The following SPMIP7 variants were observed in gnomAD, a reference collection of about 807,000 sequenced individuals.
SPMIP7 encodes sperm microtubule inner protein 7.
chr7:50,107,953 A>G, the SPMIP7 span, among the ~76,000 whole-genome samples: 2 of 152,216 alleles, frequency 1.3e-5, no homozygotes, highest in African/African-American at 4.8e-5. Context: ...AACATAGTTT[A>G]TGGTAATTGC....
chr7:50,117,817 A>G, the SPMIP7 span, among the ~76,000 whole-genome samples: 1 of 152,196 alleles, frequency 6.6e-6, no homozygotes, highest in Non-Finnish European at 1.5e-5. Flanking sequence ...ACATGTCAGT[A>G]AATATTTATA....
the SPMIP7 span, among the ~76,000 whole-genome samples, chr7:50,106,889 C>A: frequency 7.2e-4 from 110 of 152,046 alleles, no homozygotes; most frequent in Non-Finnish European, 6.0e-4. Flanking sequence ...TCACTTGAGG[C>A]CAGGAGTTTG....
chr7:50,114,613 AAAAG>A, the SPMIP7 span, among the ~76,000 whole-genome samples: 3 of 152,176 alleles, frequency 2.0e-5, 1 homozygote, highest in South Asian at 6.2e-4. Flanking sequence ...AAAGTAACAC[AAAAG>A]AAAAATAGAG....
the SPMIP7 span, among the ~76,000 whole-genome samples, chr7:50,114,105 T>G: frequency 6.6e-6 from 1 of 152,118 alleles, no homozygotes; most frequent in African/African-American, 2.4e-5. Flanking sequence ...AAACATTTTT[T>G]GTAAAAACAA....
chr7:50,142,149 T>A, the SPMIP7 span: 23 of 152,254 alleles, frequency 1.5e-4, no homozygotes, highest in Admixed American at 1.4e-3. Flanking sequence ...CTACTACACA[T>A]AATAATTCTA....
the SPMIP7 span, among the ~76,000 whole-genome samples, chr7:50,098,220 T>C: frequency 1.3e-5 from 2 of 152,208 alleles, no homozygotes; most frequent in Admixed American, 6.5e-5. Flanking sequence ...GATTTCTACT[T>C]GCCCCATTCC....
the SPMIP7 span, among the ~76,000 whole-genome samples, chr7:50,106,639 AAT>A: frequency 6.6e-6 from 1 of 152,210 alleles, no homozygotes; most frequent in Non-Finnish European, 1.5e-5. Flanking sequence ...AACATATCCA[AAT>A]ACATAAGGAG....
the SPMIP7 span, among the ~76,000 whole-genome samples, chr7:50,102,114 G>A: frequency 1.3e-5 from 2 of 152,060 alleles, no homozygotes; most frequent in South Asian, 2.1e-4. Flanking sequence ...ATCTGAGGTC[G>A]GGACTTCAAG....
At chr7:50,127,728 C>T in the SPMIP7 span, among the ~76,000 whole-genome samples, 1 of 150,960 alleles carries the variant, frequency 6.6e-6, no homozygotes. Flanking sequence ...CTCAATATCA[C>T]CAATCAGAGA....
the SPMIP7 span, among the ~76,000 whole-genome samples, chr7:50,107,545 A>G: frequency 1.3e-5 from 2 of 152,110 alleles, no homozygotes; most frequent in Non-Finnish European, 2.9e-5. Flanking sequence ...TAGATAAATC[A>G]GAAGAAACTA....
At chr7:50,103,759 C>T in the SPMIP7 span, among the ~76,000 whole-genome samples, 1 of 152,200 alleles carries the variant, frequency 6.6e-6, no homozygotes, top group Admixed American at 6.5e-5. Context: ...CCTTCCTATG[C>T]ACCCCCACAG....
At chr7:50,117,902 A>T in the SPMIP7 span, among the ~76,000 whole-genome samples, 1 of 152,228 alleles carries the variant, frequency 6.6e-6, no homozygotes. Context: ...CCCCCCATTA[A>T]AAACAGTCTC....
the SPMIP7 span, among the ~76,000 whole-genome samples, chr7:50,113,010 C>A: frequency 6.6e-6 from 1 of 151,732 alleles, no homozygotes; most frequent in Non-Finnish European, 1.5e-5. Flanking sequence ...TGGGCATAAG[C>A]TTTCCCTGAA....
At chr7:50,104,912 T>C in the SPMIP7 span, among the ~76,000 whole-genome samples, 1 of 152,192 alleles carries the variant, frequency 6.6e-6, no homozygotes, top group East Asian at 1.9e-4. Flanking sequence ...ATTCCCACAA[T>C]ATATCACTGG....
At chr7:50,138,629 T>C in the SPMIP7 span, among the ~76,000 whole-genome samples, 1 of 152,200 alleles carries the variant, frequency 6.6e-6, no homozygotes, top group Non-Finnish European at 1.5e-5. Flanking sequence ...GTAGGAGATA[T>C]TAGTCCACAG....
the SPMIP7 span, among the ~76,000 whole-genome samples, chr7:50,133,239 G>T: frequency 1.3e-5 from 2 of 150,240 alleles, no homozygotes; most frequent in East Asian, 3.9e-4. Flanking sequence ...GTGTGTTTGT[G>T]TGTGTGTGTG....
the SPMIP7 span, chr7:50,133,981 T>C: frequency 1.3e-6 from 1 of 742,718 alleles, no homozygotes; most frequent in Non-Finnish European, 2.1e-6. Flanking sequence ...TTATATATGG[T>C]ATACACACCA....
chr7:50,096,935 A>G, the SPMIP7 span, among the ~76,000 whole-genome samples: 6 of 152,216 alleles, frequency 3.9e-5, no homozygotes, highest in Admixed American at 6.5e-5. Context: ...TTTATGTATC[A>G]CTTTGATAAT....
chr7:50,151,402 C>A, the SPMIP7 span: 1 of 1,343,554 alleles, frequency 7.4e-7, no homozygotes, highest in Non-Finnish European at 1.0e-6. Flanking sequence ...TTTCACAAAT[C>A]ATCATTTTAA....
Sources: gnomAD v4.1 joint callset for allele counts (sites outside exome capture counted in the v4.1 genomes callset) on GRCh38, gnomAD v4.1.1 for gene constraint, MANE v1.5 for transcripts, NCBI Gene and HGNC (gene_info 2026-07-23, HGNC 2026-07-21) for gene names.